ZNF703: variants seen among roughly 807,000 people sequenced by gnomAD.
ZNF703 encodes NocA-like zinc finger 1.
Under a neutral mutation model 30.7 loss-of-function variants are expected in ZNF703, and 18 were observed. That is an observed-to-expected ratio of 0.59 (90% confidence interval 0.40 to 0.87). ZNF703 has a LOEUF of 0.87. Ranked by LOEUF, ZNF703 falls within the 40% of genes least tolerant of loss-of-function variation. The probability of loss-of-function intolerance (pLI) is 0.00; values close to 1 mark genes in which losing one functional copy is unlikely to be tolerated. For synonymous variants in ZNF703, 457 were observed against 438.6 expected (o/e 1.04, Z -0.52); for missense variants, 814 against 847.8 (o/e 0.96, Z 0.50).
chr8:37,697,781 G>T lies in ZNF703; in HGVS notation c.880G>T (p.Ala294Ser), dbSNP rs1260665703. 1 of 1,511,278 alleles carries T rather than the reference G, an allele frequency of 6.6e-7. No homozygotes were observed. Among genetic ancestry groups the T allele is most frequent in the African/African-American group, 1.4e-5 (1 of 70,218 alleles). The allele number at this position is 1,511,278 out of a possible 1,614,324, so 93.6% of individuals were successfully genotyped here. ...GGCGCTGGTGGGGGCCGGCCACGTG[G>T]CGCCGGTGTCTCCCTACAAGCCGGG... is the stretch of plus-strand genomic sequence containing the variant. ...PSALVGAGHVAPVSPYKPGHS... is the reference protein window; with the variant it reads ...PSALVGAGHVSPVSPYKPGHS... The change falls in exon 2 of 2, where the codon GCG becomes TCG. Residue 294 changes from alanine (A) to serine (S), a missense_variant. By Grantham distance (99) the Ala-to-Ser change is moderately conservative. Transcript: ENST00000331569.
chr8:37,697,373 T>C lies in ZNF703; in HGVS notation c.472T>C (p.Ser158Pro), dbSNP rs777798452. 1.8e-5 allele frequency: 28 copies of C among 1,556,428 alleles called. No homozygotes were observed. Among genetic ancestry groups the C allele is most frequent in the Non-Finnish European group, 2.3e-5 (27 of 1,151,822 alleles). The change falls in exon 2 of 2, where the codon TCC becomes CCC. Residue 158 changes from serine (S) to proline (P), a missense_variant. Physicochemically the swap from Ser to Pro is moderately conservative, Grantham distance 74. Coordinates refer to ENST00000331569, the MANE Select transcript of ZNF703 (RefSeq NM_025069.3). ...GGACAAGTCCAGCTTCAAGCCCTAC[T>C]CCAAGGGCTCCGGCGGCGGCGACTC... ...AEDKSSFKPY[S>P]KGSGGGDSRK...
chr8:37,698,784 A>T lies in ZNF703; in HGVS notation c.*110A>T. 1.0e-6 allele frequency: 1 copy of T among 955,262 alleles called. No homozygotes were observed. 59.2% of individuals were successfully genotyped at this position (955,262 alleles called of 1,614,324 possible). A position where few individuals can be genotyped will look rare whatever the true frequency, so the allele number is the denominator to read the frequency against. On this transcript the variant is annotated 3_prime_UTR_variant, in exon 2 of 2. Coordinates refer to ENST00000331569, the MANE Select transcript of ZNF703 (RefSeq NM_025069.3). ...TCCACTACTGCTTGACCCTGCCGGGATTCCCCACCCAGCCCTTCCCCACCG... is the reference window on the plus strand; with the variant it reads ...TCCACTACTGCTTGACCCTGCCGGGTTTCCCCACCCAGCCCTTCCCCACCG...
At chr8:37,697,030 C>T (rs1802079150) in intron 1 of ZNF703, 115 bp from the exon 2 acceptor site, 1 of 1,269,482 alleles carries the variant, frequency 7.9e-7, no homozygotes, top group African/African-American at 1.6e-5. Context: ...CAGACCCTCT[C>T]CCCAGGCCCG....
Position 37,697,223 on chromosome 8 carries a change from T to C in ZNF703, c.322T>C (p.Ser108Pro). 1 of 1,598,498 alleles carries C rather than the reference T, an allele frequency of 6.3e-7. No individual in the cohort carries two copies. ...CGGCAAGCCGGACCCGCCGCCCTCC[T>C]CCAAACTCAACTCGGTGGCGGCGGC... ...QIGKPDPPPS[S>P]KLNSVAAAAN... The change falls in exon 2 of 2, where the codon TCC becomes CCC. Residue 108 changes from serine (S) to proline (P), a missense_variant. By Grantham distance (74) the Ser-to-Pro change is moderately conservative. Transcript: ENST00000331569.
chr8:37,698,278 C>A lies in ZNF703; in HGVS notation c.1377C>A (p.Asn459Lys). Residue 459 changes from asparagine to lysine, a missense_variant, in exon 2 of 2, where the codon AAC becomes AAA. Asn to Lys is a moderately conservative substitution (Grantham distance 94). Transcript: ENST00000331569. Reference sequence around the variant, plus strand: ...ACGAACCGCTGCCGCACAGCTGCAACTGGGTGGCAGCCAGTGGGCCGTGCG... The same window carrying A: ...ACGAACCGCTGCCGCACAGCTGCAAATGGGTGGCAGCCAGTGGGCCGTGCG... ...LQNEPLPHSC[N>K]WVAASGPCDK... 1 of 1,540,308 alleles carries A rather than the reference C, an allele frequency of 6.5e-7. No homozygotes were observed. Among genetic ancestry groups the A allele is most frequent in the Non-Finnish European group, 8.7e-7 (1 of 1,146,960 alleles).
At position 37,696,691 on chromosome 8, in the gene ZNF703, C is replaced by T. The variant is rs1056875340; in HGVS notation, c.244-454C>T. ...TCTTCCTGCCTCTTCCCTGGGTGCC[C>T]TCCCCGGGAGGGAGGGGCTACGGAG... On this transcript the variant is annotated intron_variant, in intron 1 of 1. Coordinates refer to ENST00000331569, the MANE Select transcript of ZNF703 (RefSeq NM_025069.3). This position sits in a 1 kb window ranked among gnomAD's most constrained non-coding sequence, Gnocchi z 8.2. Among the ~76,000 whole-genome samples, 1 of 152,268 alleles carries T rather than the reference C, an allele frequency of 6.6e-6. No individual in the cohort carries two copies. The highest frequency in any genetic ancestry group is 1.5e-5 in the Non-Finnish European group (1 of 68,002).
At position 37,697,208 on chromosome 8, in the gene ZNF703, G is replaced by A; in HGVS notation, c.307G>A (p.Asp103Asn). Residue 103 changes from aspartate to asparagine, a missense_variant, in exon 2 of 2, where the codon GAC becomes AAC. Coordinates refer to ENST00000331569, the MANE Select transcript of ZNF703 (RefSeq NM_025069.3). ...AQTCSQIGKPDPPPSSKLNSV... is the reference protein window; with the variant it reads ...AQTCSQIGKPNPPPSSKLNSV... ...GACCTGCTCGCAGATCGGCAAGCCGGACCCGCCGCCCTCCTCCAAACTCAA... is the reference window on the plus strand; with the variant it reads ...GACCTGCTCGCAGATCGGCAAGCCGAACCCGCCGCCCTCCTCCAAACTCAA... 1 of 1,596,050 alleles carries A rather than the reference G, an allele frequency of 6.3e-7. No individual in the cohort carries two copies. The highest frequency in any genetic ancestry group is 8.5e-7 in the Non-Finnish European group (1 of 1,173,730).
In ZNF703 at chr8:37,695,956, C is replaced by T. The variant is rs932633526; in HGVS notation, c.-24C>T. On this transcript the variant is annotated 5_prime_UTR_variant, in exon 1 of 2. Coordinates refer to ENST00000331569, the MANE Select transcript of ZNF703 (RefSeq NM_025069.3). ...CGGTGCTCCCCCGCCCTCCCCGCCC[C>T]CCCAGCGGCGCTGCCTCCTCCAAAT... The T allele has an allele frequency of 1.7e-5, 25 of 1,480,496 alleles. No individual in the cohort carries two copies. The highest frequency in any genetic ancestry group is 2.2e-5 in the Non-Finnish European group (25 of 1,113,796). 91.7% of individuals were successfully genotyped at this position (1,480,496 alleles called of 1,614,324 possible).
rs1802095392 is a variant in ZNF703, at chr8:37,697,686, G to A, written c.785G>A (p.Gly262Asp). 1 of 1,330,988 alleles carries A rather than the reference G, an allele frequency of 7.5e-7. No homozygotes were observed. 82.4% of individuals were successfully genotyped at this position (1,330,988 alleles called of 1,614,324 possible). A position where few individuals can be genotyped will look rare whatever the true frequency, so the allele number is the denominator to read the frequency against. ...SPEPAAVSRG[G>D]GGEPGAHGGA... ...GAGCCGGCAGCCGTGAGCCGCGGCG[G>A]CGGTGGGGAGCCCGGGGCGCACGGT... Residue 262 changes from glycine (G) to aspartate (D), a missense_variant, in exon 2 of 2, where the codon GGC becomes GAC. Gly to Asp is a moderately conservative substitution (Grantham distance 94). Coordinates refer to ENST00000331569, the MANE Select transcript of ZNF703 (RefSeq NM_025069.3).
chr8:37,698,474 GC>G lies in ZNF703; in HGVS notation c.1578del (p.Gly527AlafsTer16), dbSNP rs869090242. On this transcript the variant is annotated frameshift_variant, in exon 2 of 2. Transcript: ENST00000331569. LOFTEE classifies it high-confidence loss of function. ...SCHLHLPPPA[A>X]PGSPGSLSLR... is the part of the protein sequence containing the mutation. ...CCATCTGCACCTCCCCCCGCCCGCC[GC>G]CCCCGGCAGCCCCGGGTCGCTGTCC... 4 of 1,501,992 alleles carry G rather than the reference GC, an allele frequency of 2.7e-6. No homozygotes were observed. Among genetic ancestry groups the G allele is most frequent in the South Asian group, 2.6e-5 (2 of 77,786 alleles). The allele number at this position is 1,501,992 out of a possible 1,614,324, so 93.0% of individuals were successfully genotyped here.
rs1802067382 is a variant in ZNF703 at position 37,696,262 on chromosome 8, C to G, written c.243+40C>G. Reference sequence around the variant, plus strand: ...GCTGCCCCCGGGCGCCGGCCCCATTCCTCCCACCGCGACCGGGACCCTGAC... The same window carrying G: ...GCTGCCCCCGGGCGCCGGCCCCATTGCTCCCACCGCGACCGGGACCCTGAC... On this transcript the variant is annotated intron_variant, in intron 1 of 1. Transcript: ENST00000331569. This position sits in a 1 kb window ranked among gnomAD's most constrained non-coding sequence, Gnocchi z 8.2. The G allele has an allele frequency of 6.5e-7, 1 of 1,538,464 alleles. No individual in the cohort carries two copies. Among genetic ancestry groups the G allele is most frequent in the Admixed American group, 2.0e-5 (1 of 50,988 alleles).
Position 37,697,467 on chromosome 8 carries a change from A to G in ZNF703, c.566A>G (p.Lys189Arg). 4 of 1,538,954 alleles carry G rather than the reference A, an allele frequency of 2.6e-6. No homozygotes were observed. Among genetic ancestry groups the G allele is most frequent in the Middle Eastern group, 1.7e-4 (1 of 5,930 alleles). The change falls in exon 2 of 2, where the codon AAG (lysine) becomes AGG (arginine). Residue 189 changes from lysine (K) to arginine (R), a missense_variant. Physicochemically the swap from Lys to Arg is conservative, Grantham distance 26 (BLOSUM62 2). Coordinates refer to ENST00000331569, the MANE Select transcript of ZNF703 (RefSeq NM_025069.3). ...SSSSSSSPGD[K>R]AGFRVPSAAC... ...TCGTCCTCCTCGTCCCCGGGAGACA[A>G]GGCGGGCTTCAGGGTCCCCAGCGCC...
In ZNF703 at chr8:37,697,758, C is replaced by G; in HGVS notation, c.857C>G (p.Ala286Gly). Residue 286 changes from alanine to glycine, a missense_variant, in exon 2 of 2, where the codon GCG becomes GGG. Ala to Gly is a moderately conservative substitution (Grantham distance 60). Coordinates refer to ENST00000331569, the MANE Select transcript of ZNF703 (RefSeq NM_025069.3). ...ASGRKSEPPS[A>G]LVGAGHVAPV... The stretch of plus-strand genomic sequence containing the variant: ...GGGCGCAAGTCCGAGCCGCCCTCGG[C>G]GCTGGTGGGGGCCGGCCACGTGGCG... The G allele has an allele frequency of 6.8e-7, 1 of 1,472,988 alleles. No individual in the cohort carries two copies. The highest frequency in any genetic ancestry group is 9.0e-7 in the Non-Finnish European group (1 of 1,116,800). The allele number at this position is 1,472,988 out of a possible 1,614,324, so 91.2% of individuals were successfully genotyped here. A position where few individuals can be genotyped will look rare whatever the true frequency, so the allele number is the denominator to read the frequency against.
chr8:37,695,800 C>G lies in ZNF703; in HGVS notation c.-180C>G, dbSNP rs567998911. ...AGGCGAAGGTTTTTGTGTTGCTAGC[C>G]GGGGCCAGCGGCGGTGGCGGCGGCG... is the stretch of plus-strand genomic sequence containing the variant. On this transcript the variant is annotated 5_prime_UTR_variant, in exon 1 of 2. Coordinates refer to ENST00000331569, the MANE Select transcript of ZNF703 (RefSeq NM_025069.3). 4.4e-5 allele frequency: 23 copies of G among 522,418 alleles called. No homozygotes were observed. The African/African-American group carries it at 4.7e-4, about 11-fold the overall frequency. The allele number at this position is 522,418 out of a possible 1,614,324, so 32.4% of individuals were successfully genotyped here.
Position 37,699,679 on chromosome 8 carries a change from G to T in ZNF703, c.*1005G>T, listed in dbSNP as rs527948576. Reference sequence around the variant, plus strand: ...TTTTTCTCTCCCTCGTGGGGGCAACGACCCCTCCCCTGGCAGTAGGGGTGG... The same window carrying T: ...TTTTTCTCTCCCTCGTGGGGGCAACTACCCCTCCCCTGGCAGTAGGGGTGG... On this transcript the variant is annotated 3_prime_UTR_variant, in exon 2 of 2. Transcript: ENST00000331569. The T allele has an allele frequency of 5.2e-5, 8 of 152,396 alleles. No homozygotes were observed. The highest frequency in any genetic ancestry group is 1.7e-4 in the African/African-American group (7 of 41,582). 9.4% of individuals were successfully genotyped at this position (152,396 alleles called of 1,614,324 possible).
rs540053259 is a variant in ZNF703 at position 37,697,074 on chromosome 8, G to A, written c.244-71G>A. On this transcript the variant is annotated intron_variant, in intron 1 of 1. Coordinates refer to ENST00000331569, the MANE Select transcript of ZNF703 (RefSeq NM_025069.3). ...CGTGGCGCCGCCGCCCAGCTCCCCG[G>A]GCGCCCCCGCTCGCCCCGCAGGCCT... The A allele has an allele frequency of 1.4e-4, 195 of 1,406,662 alleles. 2 individuals are homozygous for A. In the South Asian group the frequency reaches 3.0e-3, roughly 21 times the overall value. 87.1% of individuals were successfully genotyped at this position (1,406,662 alleles called of 1,614,324 possible).
Position 37,697,684 on chromosome 8 carries a change from C to A in ZNF703, c.783C>A (p.Gly261=), listed in dbSNP as rs1802095331. Reference sequence around the variant, plus strand: ...CGGAGCCGGCAGCCGTGAGCCGCGGCGGCGGTGGGGAGCCCGGGGCGCACG... The same window carrying A: ...CGGAGCCGGCAGCCGTGAGCCGCGGAGGCGGTGGGGAGCCCGGGGCGCACG... ...PSPEPAAVSR[G]GGGEPGAHGG... Residue 261 remains glycine (G), a synonymous_variant, in exon 2 of 2, where the codon GGC becomes GGA. Transcript: ENST00000331569. 1 of 1,328,308 alleles carries A rather than the reference C, an allele frequency of 7.5e-7. No individual in the cohort carries two copies. Among genetic ancestry groups the A allele is most frequent in the Non-Finnish European group, 9.6e-7 (1 of 1,046,992 alleles). 82.3% of individuals were successfully genotyped at this position (1,328,308 alleles called of 1,614,324 possible). A position where few individuals can be genotyped will look rare whatever the true frequency, so the allele number is the denominator to read the frequency against.
In ZNF703 at chr8:37,695,910, C is replaced by T. The variant is rs1298299262; in HGVS notation, c.-70C>T. ...ATCGACGCTGCGGAGCGAGCCCACC[C>T]GCCCCGGGAGCTCGCCTCCCCGGTG... On this transcript the variant is annotated 5_prime_UTR_variant, in exon 1 of 2. Transcript: ENST00000331569. 1.1e-5 allele frequency: 15 copies of T among 1,311,770 alleles called. No individual in the cohort carries two copies. Among genetic ancestry groups the T allele is most frequent in the Non-Finnish European group, 1.4e-5 (14 of 997,106 alleles). 81.3% of individuals were successfully genotyped at this position (1,311,770 alleles called of 1,614,324 possible).
chr8:37,698,692 C>T lies in ZNF703; in HGVS notation c.*18C>T. 4 of 1,414,038 alleles carry T rather than the reference C, an allele frequency of 2.8e-6. No homozygotes were observed. The highest frequency in any genetic ancestry group is 5.5e-5 in the East Asian group (2 of 36,184). The allele number at this position is 1,414,038 out of a possible 1,614,324, so 87.6% of individuals were successfully genotyped here. A position where few individuals can be genotyped will look rare whatever the true frequency, so the allele number is the denominator to read the frequency against. On this transcript the variant is annotated 3_prime_UTR_variant, in exon 2 of 2. Transcript: ENST00000331569. ...ACCAGTAACTACAGCTCTTCCTCCA[C>T]CCCAGCCCCCTCACCCTCCTCCCTC... is the stretch of plus-strand genomic sequence containing the variant.
Sources: allele counts gnomAD v4.1 joint callset (sites outside exome capture counted in the v4.1 genomes callset), GRCh38; gene constraint gnomAD v4.1.1; non-coding constraint Gnocchi (gnomAD v3.1); transcripts MANE v1.5; gene names NCBI Gene and HGNC (gene_info 2026-07-23, HGNC 2026-07-21).